Variants in COL5A2 observed in about 807,000 individuals in gnomAD.
COL5A2 encodes the protein collagen alpha-2(V) chain.
Under a neutral mutation model 208.2 loss-of-function variants are expected in COL5A2, and 23 were observed. The observed-to-expected ratio is 0.11, with a 90% CI of 0.08 to 0.16. COL5A2 has a LOEUF of 0.16. Among genes scored for constraint, COL5A2 ranks in the 10% least tolerant of loss-of-function variants. The pLI, the probability that COL5A2 is intolerant of heterozygous loss-of-function variation, is 1.00. For synonymous variants in COL5A2, 625 were observed against 628.5 expected (o/e 0.99, Z 0.08); for missense variants, 1,590 against 1,956.4 (o/e 0.81, Z 3.53).
At chr2:189,401,394 C>T in the COL5A2 span, among the ~76,000 whole-genome samples, 1 of 152,226 alleles carries the variant, frequency 6.6e-6, no homozygotes, top group Non-Finnish European at 1.5e-5. Flanking sequence ...ATAACATGAT[C>T]TCATTCCTTT....
In COL5A2 at chr2:189,153,454, T is replaced by C. The variant is rs16831138; in HGVS notation, c.97+26054A>G. 4.6e-3 allele frequency among the ~76,000 whole-genome samples: 698 copies of C among 152,300 alleles called. 2 individuals are homozygous for C. Among genetic ancestry groups the C allele is most frequent in the African/African-American group, 0.016 (681 of 41,574 alleles). Reference sequence around the variant, plus strand: ...CTCAAGATTTGAAGACAAATCTGCTTAACCCCAGTCATGCATGCTTCACTA... The same window carrying C: ...CTCAAGATTTGAAGACAAATCTGCTCAACCCCAGTCATGCATGCTTCACTA... On this transcript the variant is annotated intron_variant, in intron 1 of 53. Transcript: ENST00000374866.
the COL5A2 span, among the ~76,000 whole-genome samples, chr2:189,263,674 T>C: frequency 6.6e-5 from 10 of 152,296 alleles, no homozygotes; most frequent in African/African-American, 2.4e-4. Context: ...TGTACCTTTT[T>C]AAATCTTTTA....
rs1686068491 is a variant in COL5A2 at position 189,062,995 on chromosome 2, A to G, written c.1923+15T>C. On this transcript the variant is annotated intron_variant, in intron 28 of 53. Transcript: ENST00000374866. ...TACCTACATTATTTTTCTTTAGCAG[A>G]AAATGTATATTTACCCTCTGCCCAG... The G allele has an allele frequency of 3.7e-6, 6 of 1,614,010 alleles. No homozygotes were observed. Among genetic ancestry groups the G allele is most frequent in the Non-Finnish European group, 8.5e-7 (1 of 1,179,970 alleles).
chr2:189,137,540 T>G (rs1687849138), intron 1 of COL5A2, among the ~76,000 whole-genome samples: 1 of 152,242 alleles, frequency 6.6e-6, no homozygotes, highest in Non-Finnish European at 1.5e-5. Context: ...AAACAAAAAA[T>G]GATACTTTTC....
At chr2:189,082,925 G>A (rs931448780) in intron 12 of COL5A2, among the ~76,000 whole-genome samples, 1 of 152,214 alleles carries the variant, frequency 6.6e-6, no homozygotes, top group Non-Finnish European at 1.5e-5. Context: ...AGAAAGCAGG[G>A]AGTTGGGAAA....
At chr2:189,132,146 C>T (rs1687728002) in intron 1 of COL5A2, among the ~76,000 whole-genome samples, 1 of 152,140 alleles carries the variant, frequency 6.6e-6, no homozygotes. Flanking sequence ...GTTCTCTGAC[C>T]TCAAGTGGCC....
chr2:189,436,568 C>T, the COL5A2 span, among the ~76,000 whole-genome samples: 1 of 151,992 alleles, frequency 6.6e-6, no homozygotes, highest in Non-Finnish European at 1.5e-5. Flanking sequence ...CACTGTAGCA[C>T]TATTTAAAAT....
chr2:189,425,515 T>C, the COL5A2 span, among the ~76,000 whole-genome samples: 1 of 152,170 alleles, frequency 6.6e-6, no homozygotes, highest in Non-Finnish European at 1.5e-5. Context: ...TATGCAGCCA[T>C]AAAATAAGAA....
chr2:189,331,993 T>G, the COL5A2 span, among the ~76,000 whole-genome samples: 3 of 149,724 alleles, frequency 2.0e-5, no homozygotes, highest in African/African-American at 7.3e-5. Flanking sequence ...GTTGCTGAGA[T>G]TATATAAATA....
At chr2:189,115,535 C>G (rs1383256774) in intron 1 of COL5A2, among the ~76,000 whole-genome samples, 2 of 152,046 alleles carry the variant, frequency 1.3e-5, no homozygotes, top group Non-Finnish European at 1.5e-5. Context: ...AAATAAAAGT[C>G]CCTAAAATTA....
chr2:189,147,369 C>G (rs931461856), intron 1 of COL5A2, among the ~76,000 whole-genome samples: 1 of 152,048 alleles, frequency 6.6e-6, no homozygotes, highest in Non-Finnish European at 1.5e-5. Flanking sequence ...AATATGATCC[C>G]CATTCATAAA....
intron 1 of COL5A2, among the ~76,000 whole-genome samples, chr2:189,204,501 G>C: frequency 6.6e-6 from 1 of 152,162 alleles, no homozygotes; most frequent in East Asian, 1.9e-4. Flanking sequence ...TGCTGATTCA[G>C]CTTTAGATCT....
At chr2:189,037,381 C>A (rs902672723) in intron 51 of COL5A2, among the ~76,000 whole-genome samples, 1 of 152,214 alleles carries the variant, frequency 6.6e-6, no homozygotes, top group Non-Finnish European at 1.5e-5. Context: ...TATGCATTTG[C>A]ATACATGGGT....
At chr2:189,213,343 G>T (rs999983291) in intron 1 of COL5A2, among the ~76,000 whole-genome samples, 2 of 152,092 alleles carry the variant, frequency 1.3e-5, no homozygotes, top group African/African-American at 4.8e-5. Context: ...GCTATAAAAA[G>T]TTACTATAAC....
the COL5A2 span, among the ~76,000 whole-genome samples, chr2:189,433,831 A>G: frequency 2.0e-5 from 3 of 152,238 alleles, no homozygotes; most frequent in African/African-American, 7.2e-5. Flanking sequence ...AACTCATTTT[A>G]TGAGGCCAGC....
At chr2:189,262,497 C>A in the COL5A2 span, among the ~76,000 whole-genome samples, 1 of 152,040 alleles carries the variant, frequency 6.6e-6, no homozygotes, top group Non-Finnish European at 1.5e-5. Flanking sequence ...AACTTTAAAA[C>A]TGATCACGAA....
chr2:189,082,697 A>G (rs897046922), intron 12 of COL5A2, among the ~76,000 whole-genome samples: 2 of 152,228 alleles, frequency 1.3e-5, no homozygotes, highest in African/African-American at 4.8e-5. Flanking sequence ...GACTGTCATT[A>G]CAGTGCAATC....
At chr2:189,360,369 C>T in the COL5A2 span, among the ~76,000 whole-genome samples, 1 of 152,152 alleles carries the variant, frequency 6.6e-6, no homozygotes, top group East Asian at 1.9e-4. Context: ...CAAGCAAAAA[C>T]AAAAACAAAA....
At chr2:189,052,826 C>T (rs765851497) in intron 39 of COL5A2, 24 bp from the exon 40 acceptor site, 1 of 1,613,856 alleles carries the variant, frequency 6.2e-7, no homozygotes, top group East Asian at 2.2e-5. Context: ...AACAAAAGAG[C>T]ACTATAGTGA....
Sources: allele counts gnomAD v4.1 joint callset (sites outside exome capture counted in the v4.1 genomes callset), GRCh38; gene constraint gnomAD v4.1.1; transcripts MANE v1.5; gene names NCBI Gene and HGNC (gene_info 2026-07-23, HGNC 2026-07-21).